Variants in PRKG2 observed in about 807,000 individuals in gnomAD.
The protein encoded by PRKG2 is cGMP-dependent protein kinase 2.
PRKG2 carries 33 observed loss-of-function variants against 97.2 expected under a neutral mutation model. The ratio of observed to expected loss-of-function variants is 0.34; its 90% CI spans 0.26 to 0.45. The LOEUF (loss-of-function observed/expected upper bound fraction) is 0.45. Ranked by LOEUF, PRKG2 falls within the 20% of genes least tolerant of loss-of-function variation. The probability of loss-of-function intolerance (pLI) is 1.00; values close to 1 mark genes in which losing one functional copy is unlikely to be tolerated. For missense variants in PRKG2, 638 were observed against 900.0 expected (o/e 0.71, Z 3.73); for synonymous variants, 330 against 321.8 (o/e 1.03, Z -0.27).
chr4:81,129,757 A>T (rs1035617736), intron 14 of PRKG2, among the ~76,000 whole-genome samples: 29 of 152,300 alleles, frequency 1.9e-4, no homozygotes, highest in African/African-American at 7.0e-4. Context: ...TCCTGAAAAC[A>T]GCACACCGAT....
At chr4:81,208,226 A>T (rs544529378) in intron 1 of PRKG2, among the ~76,000 whole-genome samples, 2 of 152,318 alleles carry the variant, frequency 1.3e-5, no homozygotes, top group African/African-American at 4.8e-5. Flanking sequence ...TCGTAGGGTT[A>T]CTATGATTAT....
chr4:81,201,325 T>C (rs1033332312), intron 2 of PRKG2, among the ~76,000 whole-genome samples: 1 of 152,220 alleles, frequency 6.6e-6, no homozygotes, highest in African/African-American at 2.4e-5. Flanking sequence ...TTGGCTACCA[T>C]ATCGTAAAGC....
intron 14 of PRKG2, 30 bp downstream of exon 14, chr4:81,135,125 T>G (rs769373430): frequency 6.3e-7 from 1 of 1,575,984 alleles, no homozygotes; most frequent in South Asian, 1.2e-5. Flanking sequence ...ATATCTCATA[T>G]GAGACTGTAA....
chr4:81,217,289 G>A (rs1167978946), upstream of PRKG2, among the ~76,000 whole-genome samples: 1 of 152,010 alleles, frequency 6.6e-6, no homozygotes, highest in African/African-American at 2.4e-5. Flanking sequence ...AGCAGAGTAT[G>A]CACGCACACT....
At chr4:81,189,957 G>A (rs1032772396) in intron 2 of PRKG2, among the ~76,000 whole-genome samples, 7 of 152,118 alleles carry the variant, frequency 4.6e-5, no homozygotes, top group African/African-American at 1.7e-4. Context: ...AACATTCCAT[G>A]CTTATGGATA....
chr4:81,144,085 G>A (rs1747563381), intron 10 of PRKG2, 147 bp downstream of exon 10: 1 of 619,876 alleles, frequency 1.6e-6, no homozygotes, highest in Non-Finnish European at 2.8e-6. Flanking sequence ...TTGTCTTTGT[G>A]GAAGAACAAT....
chr4:81,141,531 A>G (rs892440002), intron 11 of PRKG2, among the ~76,000 whole-genome samples: 5 of 152,214 alleles, frequency 3.3e-5, no homozygotes, highest in African/African-American at 7.2e-5. Context: ...TAGATGCACG[A>G]TCAAGTATTT....
chr4:81,145,411 T>C (rs1054511329), intron 9 of PRKG2, among the ~76,000 whole-genome samples: 2 of 152,176 alleles, frequency 1.3e-5, no homozygotes, highest in Non-Finnish European at 2.9e-5. Context: ...AATTTATCTC[T>C]TGTCTCAAGA....
intron 17 of PRKG2, among the ~76,000 whole-genome samples, chr4:81,094,612 G>A (rs1283273450): frequency 1.3e-5 from 2 of 152,064 alleles, no homozygotes; most frequent in Non-Finnish European, 2.9e-5. Context: ...TAAAGTGGTA[G>A]ATGATGTCGG....
At position 81,130,723 on chromosome 4, in the gene PRKG2, C is replaced by A. The variant is rs187869363; in HGVS notation, c.1776+4432G>T. Reference sequence around the variant, plus strand: ...GGAATCTAGAGAGGCAGTCTGGCTACGGTGGTTTTGCTGAGCTGCAGCAGC... The same window carrying A: ...GGAATCTAGAGAGGCAGTCTGGCTAAGGTGGTTTTGCTGAGCTGCAGCAGC... On this transcript the variant is annotated intron_variant, in intron 14 of 18. Transcript: ENST00000264399. 5.4e-3 allele frequency among the ~76,000 whole-genome samples: 829 copies of A among 152,266 alleles called. 1 individual carries two copies. Among genetic ancestry groups the A allele is most frequent in the Non-Finnish European group, 9.1e-3 (617 of 68,022 alleles).
At chr4:81,157,967 A>T (rs575940312) in intron 6 of PRKG2, among the ~76,000 whole-genome samples, 1 of 149,024 alleles carries the variant, frequency 6.7e-6, no homozygotes, top group South Asian at 2.1e-4. Context: ...ACCCACAGCC[A>T]ATATCATACT....
At chr4:81,143,416 G>A (rs1481036548) in intron 10 of PRKG2, among the ~76,000 whole-genome samples, 2 of 152,158 alleles carry the variant, frequency 1.3e-5, no homozygotes, top group African/African-American at 4.8e-5. Flanking sequence ...CGTTTTGCTA[G>A]TTTTATCAGA....
At chr4:81,185,376 T>G (rs1751784680) in intron 2 of PRKG2, among the ~76,000 whole-genome samples, 1 of 140,880 alleles carries the variant, frequency 7.1e-6, no homozygotes, top group African/African-American at 3.0e-5. Context: ...CCAGCCAAAC[T>G]AAGCTTTATA....
chr4:81,105,655 T>C (rs1246935230), intron 16 of PRKG2, among the ~76,000 whole-genome samples, 158 bp downstream of exon 16: 1 of 152,160 alleles, frequency 6.6e-6, no homozygotes, highest in Non-Finnish European at 1.5e-5. Flanking sequence ...TAAAACCCCC[T>C]ACACTGCAAA....
intron 13 of PRKG2, among the ~76,000 whole-genome samples, chr4:81,136,216 A>G (rs983014705): frequency 2.0e-5 from 3 of 152,200 alleles, no homozygotes; most frequent in Non-Finnish European, 4.4e-5. Flanking sequence ...CAACACATTC[A>G]TCTTCTACTC....
chr4:81,136,699 G>A (rs1245582958), intron 13 of PRKG2, among the ~76,000 whole-genome samples: 1 of 151,922 alleles, frequency 6.6e-6, no homozygotes, highest in African/African-American at 2.4e-5. Context: ...CCTCCTCGGA[G>A]CTCACCATCT....
At chr4:81,099,683 A>T (rs1247747437) in intron 17 of PRKG2, among the ~76,000 whole-genome samples, 6 of 152,106 alleles carry the variant, frequency 3.9e-5, no homozygotes, top group Admixed American at 1.3e-4. Flanking sequence ...CACCACTCCT[A>T]TTCAACATAG....
chr4:81,196,943 C>T (rs1013254030), intron 2 of PRKG2, among the ~76,000 whole-genome samples: 2 of 152,166 alleles, frequency 1.3e-5, no homozygotes, highest in African/African-American at 4.8e-5. Context: ...TCACAAAGAA[C>T]GGACTTCCAA....
At chr4:81,098,666 G>A (rs935601635) in intron 17 of PRKG2, among the ~76,000 whole-genome samples, 2 of 152,110 alleles carry the variant, frequency 1.3e-5, no homozygotes, top group Non-Finnish European at 2.9e-5. Flanking sequence ...AGTAGAGGGA[G>A]AGATGGGAAA....
Sources: allele counts gnomAD v4.1 joint callset (sites outside exome capture counted in the v4.1 genomes callset), GRCh38; gene constraint gnomAD v4.1.1; transcripts MANE v1.5; gene names NCBI Gene and HGNC (gene_info 2026-07-23, HGNC 2026-07-21).